SLC6A13: variants seen among roughly 807,000 people sequenced by gnomAD.
SLC6A13 encodes sodium- and chloride-dependent GABA transporter 2.
In SLC6A13, 69 loss-of-function variants were observed where a neutral mutation model predicts 72.9. That is an observed-to-expected ratio of 0.95 (90% CI 0.78 to 1.16). The LOEUF (loss-of-function observed/expected upper bound fraction) is 1.16, where lower values mean the gene tolerates loss of function less well. Among genes scored for constraint, SLC6A13 ranks in the 50% most tolerant of loss-of-function variants. The probability of loss-of-function intolerance (pLI) is 0.00; values close to 1 mark genes in which losing one functional copy is unlikely to be tolerated. For missense variants in SLC6A13, 735 were observed against 760.5 expected (o/e 0.97, Z 0.39); for synonymous variants, 303 against 303.0 (o/e 1.00, Z 0.00).
intron 14 of SLC6A13, 144 bp downstream of exon 14, chr12:221,232 A>G (rs1172087573): frequency 5.5e-6 from 7 of 1,274,288 alleles, no homozygotes; most frequent in African/African-American, 1.5e-5. Context: ...ACTTCTCAGC[A>G]GCCACTCTAT....
intron 4 of SLC6A13, among the ~76,000 whole-genome samples, chr12:240,106 C>T (rs1231419059): frequency 6.6e-6 from 1 of 152,036 alleles, no homozygotes; most frequent in Non-Finnish European, 1.5e-5. Flanking sequence ...TCTTTACTGT[C>T]TGACAGGCTG....
chr12:262,663 A>G (rs1591881546), intron 1 of SLC6A13, 126 bp downstream of exon 1: 2 of 984,376 alleles, frequency 2.0e-6, no homozygotes, highest in Admixed American at 6.1e-5. Context: ...GCACACATAC[A>G]TGTCAGAAGC....
chr12:226,293 C>T, intron 9 of SLC6A13, 97 bp downstream of exon 9: 1 of 1,479,618 alleles, frequency 6.8e-7, no homozygotes, highest in Non-Finnish European at 9.4e-7. Flanking sequence ...CGTAGCTCAC[C>T]CAGAGTGCAG....
chr12:227,698 C>T, intron 7 of SLC6A13, 30 bp from the exon 8 acceptor site: 2 of 1,560,602 alleles, frequency 1.3e-6, no homozygotes, highest in Non-Finnish European at 1.7e-6. Flanking sequence ...GAAAGGTGAA[C>T]TCCCAGGAAA....
rs532745335 is a variant in SLC6A13, at chr12:249,924, G to T, written c.203-6111C>A. 2.6e-5 allele frequency among the ~76,000 whole-genome samples: 4 copies of T among 152,180 alleles called. No individual in the cohort carries two copies. In the East Asian group the frequency reaches 7.7e-4, roughly 29 times the overall value. Reference sequence around the variant, plus strand: ...ATATTATATAGTAATGTTTATCCCAGAGATACAAAGTGGGTTTAACATTTT... The same window carrying T: ...ATATTATATAGTAATGTTTATCCCATAGATACAAAGTGGGTTTAACATTTT... On this transcript the variant is annotated intron_variant, in intron 2 of 14. Transcript: ENST00000343164.
At chr12:258,736 C>T (rs520932) in intron 2 of SLC6A13, among the ~76,000 whole-genome samples, 29,730 of 152,156 alleles carry the variant, frequency 0.2, 3,041 homozygotes, top group Non-Finnish European at 0.23. Context: ...TCTGTCACTG[C>T]TGTGGGGATA....
chr12:259,386 C>T (rs903369420), intron 2 of SLC6A13: 4 of 1,038,548 alleles, frequency 3.9e-6, no homozygotes, highest in Non-Finnish European at 4.6e-6. Flanking sequence ...CTATTTATTA[C>T]TTAAGACCAC....
intron 7 of SLC6A13, among the ~76,000 whole-genome samples, chr12:228,312 G>C (rs1941553287): frequency 6.6e-6 from 1 of 152,126 alleles, no homozygotes; most frequent in Non-Finnish European, 1.5e-5. Context: ...TTATGATTTA[G>C]ATCTAACAGC....
chr12:247,166 T>C (rs1942384637), intron 2 of SLC6A13, among the ~76,000 whole-genome samples: 3 of 150,568 alleles, frequency 2.0e-5, no homozygotes, highest in African/African-American at 4.9e-5. Context: ...CTTACAGAAA[T>C]AATAGCTGAA....
chr12:222,371 C>CT (rs1482690800), intron 13 of SLC6A13, among the ~76,000 whole-genome samples, 161 bp downstream of exon 13: 1 of 152,228 alleles, frequency 6.6e-6, no homozygotes, highest in African/African-American at 2.4e-5. Context: ...AAGAATCTAT[C>CT]TTGCTGTAGT....
rs370019196 is a variant in SLC6A13, at chr12:227,552, C to G, written c.935+13G>C. 1.1e-4 allele frequency: 175 copies of G among 1,613,610 alleles called. 2 individuals carry two copies. The South Asian group carries it at 1.5e-3, about 14-fold the overall frequency. On this transcript the variant is annotated intron_variant, in intron 8 of 14. Coordinates refer to ENST00000343164, the MANE Select transcript of SLC6A13 (RefSeq NM_016615.5). ...ATGCAGGTGTGTGGCTCAGGCCCCACGCCCCCAATCACCTGTAGCAGTTGT... is the reference window on the plus strand; with the variant it reads ...ATGCAGGTGTGTGGCTCAGGCCCCAGGCCCCCAATCACCTGTAGCAGTTGT...
At chr12:227,122 T>A (rs1485874656) in intron 8 of SLC6A13, among the ~76,000 whole-genome samples, 1 of 152,102 alleles carries the variant, frequency 6.6e-6, no homozygotes, top group Non-Finnish European at 1.5e-5. Flanking sequence ...AAGACTGGGG[T>A]GCACAGTAGG....
intron 5 of SLC6A13, among the ~76,000 whole-genome samples, chr12:237,679 A>G (rs1941987699): frequency 6.6e-6 from 1 of 152,102 alleles, no homozygotes; most frequent in South Asian, 2.1e-4. Context: ...GCACATATGC[A>G]CACACACTCT....
Position 237,987 on chromosome 12 carries a change from T to C in SLC6A13, c.502A>G (p.Thr168Ala). 1.2e-6 allele frequency: 2 copies of C among 1,613,994 alleles called. No homozygotes were observed. Among genetic ancestry groups the C allele is most frequent in the Non-Finnish European group, 1.7e-6 (2 of 1,179,914 alleles). Reference sequence around the variant, plus strand: ...GAGGTACCATTCAGGGAGCCGTTGGTCTTCTGGAACTCCATACAGTGTTCT... The same window carrying C: ...GAGGTACCATTCAGGGAGCCGTTGGCCTTCTGGAACTCCATACAGTGTTCT... ...NTEHCMEFQK[T>A]NGSLNGTSEN... Residue 168 changes from threonine (T) to alanine (A), a missense_variant, in exon 5 of 15, where the codon ACC becomes GCC. Coordinates refer to ENST00000343164, the MANE Select transcript of SLC6A13 (RefSeq NM_016615.5).
chr12:224,135 T>A lies in SLC6A13; in HGVS notation c.1174-6A>T. On this transcript the variant is annotated splice_polypyrimidine_tract_variant and splice_region_variant and intron_variant, in intron 10 of 14. Transcript: ENST00000343164. ...AGGCTTTCTACACACACAAACTGGA[T>A]GACAGGGCAAAGGGATTGGAGGGAA... 1 of 1,614,104 alleles carries A rather than the reference T, an allele frequency of 6.2e-7. No homozygotes were observed. The highest frequency in any genetic ancestry group is 8.5e-7 in the Non-Finnish European group (1 of 1,180,000).
At chr12:240,149 T>G (rs942047531) in intron 4 of SLC6A13, among the ~76,000 whole-genome samples, 1 of 152,116 alleles carries the variant, frequency 6.6e-6, no homozygotes, top group Admixed American at 6.6e-5. Context: ...CACATAGATA[T>G]TTAAAAAAAT....
chr12:227,450 G>A lies in SLC6A13; in HGVS notation c.935+115C>T. ...CTGGGGTGTTGGATATGGGGGTGTA[G>A]ACAGGGGGGCAGATCCAGGAGCTGA... On this transcript the variant is annotated intron_variant, in intron 8 of 14. Coordinates refer to ENST00000343164, the MANE Select transcript of SLC6A13 (RefSeq NM_016615.5). 4 of 1,533,498 alleles carry A rather than the reference G, an allele frequency of 2.6e-6. No homozygotes were observed. The South Asian group carries it at 4.9e-5, about 19-fold the overall frequency. The allele number at this position is 1,533,498 out of a possible 1,614,324, so 95.0% of individuals were successfully genotyped here.
At chr12:238,715 C>T (rs1325879258) in intron 4 of SLC6A13, among the ~76,000 whole-genome samples, 1 of 152,156 alleles carries the variant, frequency 6.6e-6, no homozygotes, top group African/African-American at 2.4e-5. Flanking sequence ...GGTGGATCTT[C>T]TTAGAAATGG....
At chr12:259,732 T>G in intron 2 of SLC6A13, 119 bp downstream of exon 2, 1 of 1,602,734 alleles carries the variant, frequency 6.2e-7, no homozygotes, top group East Asian at 2.2e-5. Flanking sequence ...CCTCTAAGCG[T>G]CCTCCTACCT....
Sources: allele counts gnomAD v4.1 joint callset (sites outside exome capture counted in the v4.1 genomes callset), GRCh38; gene constraint gnomAD v4.1.1; transcripts MANE v1.5; gene names NCBI Gene and HGNC (gene_info 2026-07-23, HGNC 2026-07-21).